The following PFKL variants were observed in gnomAD, a reference collection of about 807,000 sequenced individuals.
PFKL encodes ATP-dependent 6-phosphofructokinase, liver type.
In PFKL, 74 loss-of-function variants were observed where a neutral mutation model predicts 92.1. That is an observed-to-expected ratio of 0.80 (90% CI 0.67 to 0.97). The LOEUF is 0.97. Ranked by LOEUF, PFKL falls within the 50% of genes least tolerant of loss-of-function variation. PFKL has a pLI of 0.00. For synonymous variants in PFKL, 494 were observed against 456.4 expected (o/e 1.08, Z -1.05); for missense variants, 1,028 against 1,116.6 (o/e 0.92, Z 1.13).
rs554684774 is a variant in PFKL at position 44,309,444 on chromosome 21, G to A, written c.160-1562G>A. On this transcript the variant is annotated intron_variant, in intron 2 of 21. Transcript: ENST00000349048. ...GAGCTGGGCCTAGGAGGACAGAGAC[G>A]GAAACAGAGTGGGTAGAGGGGGGCA... 2.6e-4 allele frequency among the ~76,000 whole-genome samples: 40 copies of A among 152,240 alleles called. 1 individual carries two copies. Among genetic ancestry groups the A allele is most frequent in the Admixed American group, 1.8e-3 (28 of 15,302 alleles).
intron 9 of PFKL, among the ~76,000 whole-genome samples, chr21:44,317,528 G>C (rs1035676181): frequency 6.6e-6 from 1 of 152,194 alleles, no homozygotes; most frequent in Admixed American, 6.5e-5. Flanking sequence ...TGCTGTGACC[G>C]GGCCAGCCAT....
At position 44,318,524 on chromosome 21, in the gene PFKL, A is replaced by G; in HGVS notation, c.991A>G (p.Thr331Ala). The G allele has an allele frequency of 3.8e-6, 6 of 1,577,706 alleles. No homozygotes were observed. The highest frequency in any genetic ancestry group is 5.2e-6 in the Non-Finnish European group (6 of 1,156,380). ...VMALLEATPD[T>A]PACVVTLSGN... ...GGCGCTGCTGGAAGCCACGCCTGAC[A>G]CGCCGGCCTGCGTGGTCACCCTCTC... The change falls in exon 10 of 22, where the codon ACG becomes GCG. Residue 331 changes from threonine (T) to alanine (A), a missense_variant. Coordinates refer to ENST00000349048, the MANE Select transcript of PFKL (RefSeq NM_002626.6).
intron 19 of PFKL, 36 bp from the exon 20 acceptor site, chr21:44,325,925 G>A: frequency 6.5e-7 from 1 of 1,548,304 alleles, no homozygotes; most frequent in Non-Finnish European, 8.9e-7. Context: ...AGGCAGCCCA[G>A]GGGAGTCCAG....
chr21:44,313,961 C>A lies in PFKL; in HGVS notation c.687C>A (p.Phe229Leu), dbSNP rs761447739. ...TGGCCTCAGGGGCCGACTGGCTGTT[C>A]ATCCCCGAGGCTCCACCCGAGGACG... ...SALASGADWL[F>L]IPEAPPEDGW... Residue 229 changes from phenylalanine (F) to leucine (L), a missense_variant, in exon 7 of 22, where the codon TTC (phenylalanine) becomes TTA (leucine). Coordinates refer to ENST00000349048, the MANE Select transcript of PFKL (RefSeq NM_002626.6). 6 of 1,608,116 alleles carry A rather than the reference C, an allele frequency of 3.7e-6. No homozygotes were observed. The highest frequency in any genetic ancestry group is 5.1e-6 in the Non-Finnish European group (6 of 1,178,492).
intron 1 of PFKL, among the ~76,000 whole-genome samples, chr21:44,302,865 T>C (rs2039274): frequency 0.34 from 52,144 of 152,064 alleles, 10,044 homozygotes; most frequent in African/African-American, 0.52. Flanking sequence ...GGCCAGGGGT[T>C]GGTGCTGTTG....
chr21:44,308,300 T>TA (rs1254539057), intron 2 of PFKL, among the ~76,000 whole-genome samples: 1 of 152,156 alleles, frequency 6.6e-6, no homozygotes, highest in Non-Finnish European at 1.5e-5. Context: ...ATCTGCTGCC[T>TA]AGTGGGCTTT....
In PFKL at chr21:44,305,967, G is replaced by A. The variant is rs376921336; in HGVS notation, c.86-714G>A. On this transcript the variant is annotated intron_variant, in intron 1 of 21. Coordinates refer to ENST00000349048, the MANE Select transcript of PFKL (RefSeq NM_002626.6). ...GTCCCTGAGGCCCTGGGGCAGGGCA[G>A]TGCTGTTCCCTGGGTGGCTGAGGCC... 4 of 1,299,650 alleles carry A rather than the reference G, an allele frequency of 3.1e-6. No homozygotes were observed. In the African/African-American group the frequency reaches 7.4e-5, roughly 24 times the overall value. 80.5% of individuals were successfully genotyped at this position (1,299,650 alleles called of 1,614,324 possible). A position where few individuals can be genotyped will look rare whatever the true frequency, so the allele number is the denominator to read the frequency against.
chr21:44,308,570 T>TC (rs2041022057), intron 2 of PFKL, among the ~76,000 whole-genome samples: 1 of 150,352 alleles, frequency 6.7e-6, no homozygotes, highest in Admixed American at 6.6e-5. Context: ...TTTTTTTTTT[T>TC]TTTTTTTTTG....
chr21:44,326,991 C>A lies in PFKL; in HGVS notation c.*129C>A. The A allele has an allele frequency of 1.2e-6, 1 of 838,208 alleles. No individual in the cohort carries two copies. Among genetic ancestry groups the A allele is most frequent in the Non-Finnish European group, 1.9e-6 (1 of 534,660 alleles). The allele number at this position is 838,208 out of a possible 1,614,324, so 51.9% of individuals were successfully genotyped here. Reference sequence around the variant, plus strand: ...GGGGCTGCGTCCCTGCTCAGCCCATCCCCTGCCTCTATCCCTGGCCACCTG... The same window carrying A: ...GGGGCTGCGTCCCTGCTCAGCCCATACCCTGCCTCTATCCCTGGCCACCTG... On this transcript the variant is annotated 3_prime_UTR_variant, in exon 22 of 22. Coordinates refer to ENST00000349048, the MANE Select transcript of PFKL (RefSeq NM_002626.6).
rs371741801 is a variant in PFKL, at chr21:44,321,848, T to C, written c.1311T>C (p.Asp437=). The C allele has an allele frequency of 1.9e-5, 30 of 1,565,690 alleles. No individual in the cohort carries two copies. Among genetic ancestry groups the C allele is most frequent in the Non-Finnish European group, 2.0e-5 (23 of 1,153,298 alleles). Reference sequence around the variant, plus strand: ...GACACACAGTATACGTGGTGCACGATGGCTTCGAAGGCCTAGCCAAGGGTC... The same window carrying C: ...GACACACAGTATACGTGGTGCACGACGGCTTCGAAGGCCTAGCCAAGGGTC... ...SHGHTVYVVH[D]GFEGLAKGQV... The change falls in exon 13 of 22, where the codon GAT becomes GAC. Residue 437 remains aspartate (D), a synonymous_variant. Transcript: ENST00000349048.
At chr21:44,317,047 C>T (rs577673885) in intron 9 of PFKL, among the ~76,000 whole-genome samples, 20 of 152,316 alleles carry the variant, frequency 1.3e-4, no homozygotes, top group Middle Eastern at 6.8e-3. Flanking sequence ...AGGGAGCATT[C>T]GGGGTCTGGC....
chr21:44,325,174 C>T lies in PFKL; in HGVS notation c.1899C>T (p.Tyr633=), dbSNP rs1418705841. The change falls in exon 19 of 22, where the codon TAC becomes TAT. Residue 633 remains tyrosine (Y), a synonymous_variant. Coordinates refer to ENST00000349048, the MANE Select transcript of PFKL (RefSeq NM_002626.6). ...LVLRNEKCHD[Y]YTTEFLYNLY... ...TCAGGAACGAGAAGTGCCATGACTA[C>T]TACACCACGGAGTTCCTGTACAACC... 16 of 1,612,390 alleles carry T rather than the reference C, an allele frequency of 9.9e-6. 1 individual carries two copies. In the African/African-American group the frequency reaches 1.1e-4, roughly 11 times the overall value.
chr21:44,307,449 A>G (rs755850480), intron 2 of PFKL: 9 of 259,650 alleles, frequency 3.5e-5, no homozygotes, highest in Non-Finnish European at 5.4e-5. Context: ...TCCACATTCC[A>G]CAAGACAAGG....
At chr21:44,303,056 A>G (rs1034948150) in intron 1 of PFKL, among the ~76,000 whole-genome samples, 5 of 152,056 alleles carry the variant, frequency 3.3e-5, no homozygotes, top group African/African-American at 9.7e-5. Context: ...AACATGGTGA[A>G]ACCTCGTCTC....
At chr21:44,312,910 A>T in intron 4 of PFKL, 68 bp from the exon 5 acceptor site, 1 of 1,527,578 alleles carries the variant, frequency 6.5e-7, no homozygotes, top group African/African-American at 1.4e-5. Context: ...GTGGCAGGAG[A>T]GGGGTCTCTG....
Position 44,325,399 on chromosome 21 carries a change from C to T in PFKL, c.1989+135C>T. Reference sequence around the variant, plus strand: ...GGCCCTCGGGCACGTGTGCCCTTCCCCAGTGAGGGGACCGAGGCCTGTATC... The same window carrying T: ...GGCCCTCGGGCACGTGTGCCCTTCCTCAGTGAGGGGACCGAGGCCTGTATC... On this transcript the variant is annotated intron_variant, in intron 19 of 21. Transcript: ENST00000349048. 7.7e-6 allele frequency: 5 copies of T among 650,368 alleles called. No homozygotes were observed. The Admixed American group carries it at 9.5e-5, about 12-fold the overall frequency. 40.3% of individuals were successfully genotyped at this position (650,368 alleles called of 1,614,324 possible).
chr21:44,313,011 C>T lies in PFKL; in HGVS notation c.461C>T (p.Ser154Leu), dbSNP rs778845106. 59 of 1,613,088 alleles carry T rather than the reference C, an allele frequency of 3.7e-5. No homozygotes were observed. The highest frequency in any genetic ancestry group is 4.7e-5 in the Non-Finnish European group (56 of 1,179,922). ...TCAGAGACTACAGCCCGGACCTACTCGCACCTGAACATCGCGGGCCTAGTG... is the reference window on the plus strand; with the variant it reads ...TCAGAGACTACAGCCCGGACCTACTTGCACCTGAACATCGCGGGCCTAGTG... ...KISETTARTY[S>L]HLNIAGLVGS... The change falls in exon 5 of 22, where the codon TCG becomes TTG. Residue 154 changes from serine (S) to leucine (L), a missense_variant. Ser to Leu is a moderately radical substitution (Grantham distance 145). Transcript: ENST00000349048.
intron 7 of PFKL, chr21:44,315,834 G>A (rs2047187557): frequency 4.2e-6 from 1 of 238,776 alleles, no homozygotes. Context: ...GGGGCCCCAG[G>A]TACCTGGCCC....
At chr21:44,306,853 T>C in intron 2 of PFKL, 99 bp downstream of exon 2, 1 of 1,108,216 alleles carries the variant, frequency 9.0e-7, no homozygotes, top group Non-Finnish European at 1.3e-6. Flanking sequence ...GACGGGGTGG[T>C]CCTGGCCTGG....
Sources: gnomAD v4.1 joint callset for allele counts (sites outside exome capture counted in the v4.1 genomes callset) on GRCh38, gnomAD v4.1.1 for gene constraint, MANE v1.5 for transcripts, NCBI Gene and HGNC (gene_info 2026-07-23, HGNC 2026-07-21) for gene names.